Variants in UBASH3B observed in about 807,000 individuals in gnomAD.
UBASH3B encodes the protein ubiquitin-associated and SH3 domain-containing protein B.
A neutral mutation model predicts 83.4 loss-of-function variants in UBASH3B; 37 were observed. The observed-to-expected ratio is 0.44, with a 90% CI of 0.34 to 0.58. UBASH3B has a LOEUF of 0.58. Ranked by LOEUF, UBASH3B falls within the 20% of genes least tolerant of loss-of-function variation. UBASH3B has a pLI of 0.01. For synonymous variants in UBASH3B, 304 were observed against 318.3 expected (o/e 0.96, Z 0.48); for missense variants, 657 against 827.2 (o/e 0.79, Z 2.52).
In UBASH3B at chr11:122,759,715, A is replaced by T. The variant is rs1861339488; in HGVS notation, c.162-16504A>T. Among the ~76,000 whole-genome samples, 1 of 152,164 alleles carries T rather than the reference A, an allele frequency of 6.6e-6. No individual in the cohort carries two copies. Among genetic ancestry groups the T allele is most frequent in the Non-Finnish European group, 1.5e-5 (1 of 68,024 alleles). On this transcript the variant is annotated intron_variant, in intron 1 of 13. Coordinates refer to ENST00000284273, the MANE Select transcript of UBASH3B (RefSeq NM_032873.5). This position sits in a 1 kb window ranked among gnomAD's most constrained non-coding sequence, Gnocchi z 4.1. Reference sequence around the variant, plus strand: ...ACAGTAGGGTTTGTGCTCCTGTGAGAATCTAATGCTGCCACTGATCTGATA... The same window carrying T: ...ACAGTAGGGTTTGTGCTCCTGTGAGTATCTAATGCTGCCACTGATCTGATA...
At chr11:122,786,989 G>A (rs1397666551) in intron 5 of UBASH3B, among the ~76,000 whole-genome samples, 8 of 135,780 alleles carry the variant, frequency 5.9e-5, no homozygotes, top group South Asian at 2.5e-4. Flanking sequence ...ACCCACCCCC[G>A]CTCCCCCCCC....
In UBASH3B at chr11:122,723,161, A is replaced by G. The variant is rs560544511; in HGVS notation, c.162-53058A>G. Among the ~76,000 whole-genome samples the G allele has an allele frequency of 2.6e-5, 4 of 152,314 alleles. No individual in the cohort carries two copies. In the South Asian group the frequency reaches 8.3e-4, roughly 32 times the overall value. Reference sequence around the variant, plus strand: ...ATTTTAATTCAGTAGGCTTAAGAGGATCAGAAATCTGTAATTAAAAAAAAA... The same window carrying G: ...ATTTTAATTCAGTAGGCTTAAGAGGGTCAGAAATCTGTAATTAAAAAAAAA... On this transcript the variant is annotated intron_variant, in intron 1 of 13. Coordinates refer to ENST00000284273, the MANE Select transcript of UBASH3B (RefSeq NM_032873.5).
intron 10 of UBASH3B, among the ~76,000 whole-genome samples, chr11:122,800,984 G>A (rs564002214): frequency 6.6e-6 from 1 of 152,214 alleles, no homozygotes; most frequent in African/African-American, 2.4e-5. Context: ...ATACATCCTG[G>A]GGGTACGGCA....
chr11:122,806,532 C>G lies in UBASH3B; in HGVS notation c.1702+16C>G. 6.3e-7 allele frequency: 1 copy of G among 1,592,322 alleles called. No homozygotes were observed. ...AAAAGTAAAGGTAAGTGGTATTATT[C>G]TGAACTCCATCTGTACATACGTGAT... On this transcript the variant is annotated intron_variant, in intron 12 of 13. Coordinates refer to ENST00000284273, the MANE Select transcript of UBASH3B (RefSeq NM_032873.5). This position sits in a 1 kb window ranked among gnomAD's most constrained non-coding sequence, Gnocchi z 4.0.
At chr11:122,783,771 A>T (rs1410148229) in intron 5 of UBASH3B, among the ~76,000 whole-genome samples, 1 of 152,116 alleles carries the variant, frequency 6.6e-6, no homozygotes, top group East Asian at 1.9e-4. Context: ...TGAAAAGAAA[A>T]CTCAAGTCAC....
intron 11 of UBASH3B, among the ~76,000 whole-genome samples, chr11:122,802,580 A>G (rs1026623147): frequency 2.0e-5 from 3 of 152,184 alleles, no homozygotes; most frequent in African/African-American, 7.2e-5. Flanking sequence ...GGCTAAGGTA[A>G]TAGACAATAT....
At chr11:122,802,479 G>C (rs923301403) in intron 11 of UBASH3B, among the ~76,000 whole-genome samples, 1 of 152,060 alleles carries the variant, frequency 6.6e-6, no homozygotes, top group Non-Finnish European at 1.5e-5. Context: ...TGTAACAAGT[G>C]GTCAATATAA....
chr11:122,715,977 G>A (rs1205382220), intron 1 of UBASH3B, among the ~76,000 whole-genome samples: 1 of 152,246 alleles, frequency 6.6e-6, no homozygotes, highest in Non-Finnish European at 1.5e-5. Context: ...GGAGATTCAA[G>A]TGCTTCCTTT....
At chr11:122,716,735 C>T (rs1046529845) in intron 1 of UBASH3B, among the ~76,000 whole-genome samples, 6 of 152,172 alleles carry the variant, frequency 3.9e-5, no homozygotes, top group African/African-American at 1.4e-4. Flanking sequence ...CAATGTCACC[C>T]AGTTCTGTAA....
At chr11:122,785,686 C>A (rs1404117565) in intron 5 of UBASH3B, among the ~76,000 whole-genome samples, 1 of 152,214 alleles carries the variant, frequency 6.6e-6, no homozygotes, top group Non-Finnish European at 1.5e-5. Flanking sequence ...CAAATCCTGG[C>A]TCCATCACTT....
intron 1 of UBASH3B, among the ~76,000 whole-genome samples, chr11:122,708,041 C>T (rs985080433): frequency 6.6e-6 from 1 of 152,098 alleles, no homozygotes; most frequent in African/African-American, 2.4e-5. Context: ...TAGAGTTCTT[C>T]TTTGGCTATC....
chr11:122,738,058 A>C (rs1164485292), intron 1 of UBASH3B, among the ~76,000 whole-genome samples: 1 of 152,226 alleles, frequency 6.6e-6, no homozygotes, highest in Non-Finnish European at 1.5e-5. Flanking sequence ...TCAGGAAAGT[A>C]AAAGTAGAGA....
intron 1 of UBASH3B, among the ~76,000 whole-genome samples, chr11:122,750,161 T>C (rs1861177837): frequency 6.6e-6 from 1 of 152,224 alleles, no homozygotes; most frequent in Non-Finnish European, 1.5e-5. Context: ...ATTCAGTGTT[T>C]CTGAGTGCAA....
At chr11:122,783,847 GAAGA>G (rs914863272) in intron 5 of UBASH3B, among the ~76,000 whole-genome samples, 5 of 151,990 alleles carry the variant, frequency 3.3e-5, no homozygotes, top group African/African-American at 1.2e-4. Context: ...TCCATCACAA[GAAGA>G]AAGATTGGTA....
At chr11:122,721,180 GT>G (rs1860627882) in intron 1 of UBASH3B, among the ~76,000 whole-genome samples, 1 of 147,094 alleles carries the variant, frequency 6.8e-6, no homozygotes. Context: ...GGTGGTGGAG[GT>G]TTGCAGTGAG....
At chr11:122,691,790 C>T (rs1863900435) in intron 1 of UBASH3B, among the ~76,000 whole-genome samples, 1 of 152,096 alleles carries the variant, frequency 6.6e-6, no homozygotes, top group South Asian at 2.1e-4. Flanking sequence ...TTTGCTGAGT[C>T]CCCTGGCTTG....
chr11:122,797,492 C>T (rs1469001458), intron 9 of UBASH3B, among the ~76,000 whole-genome samples: 1 of 152,194 alleles, frequency 6.6e-6, no homozygotes, highest in Non-Finnish European at 1.5e-5. Flanking sequence ...TGTTCAGTCA[C>T]TTAGCAGATA....
intron 1 of UBASH3B, among the ~76,000 whole-genome samples, chr11:122,664,335 G>C (rs142137722): frequency 1.8e-4 from 27 of 152,288 alleles, no homozygotes; most frequent in African/African-American, 6.5e-4. Flanking sequence ...GCCTAAGAGA[G>C]AGAGTGGGGA....
intron 1 of UBASH3B, among the ~76,000 whole-genome samples, chr11:122,696,045 G>A (rs2135924090): frequency 6.6e-6 from 1 of 152,232 alleles, no homozygotes; most frequent in East Asian, 1.9e-4. Context: ...CGTCTCCCAG[G>A]TTTAAGCGAA....
Sources: allele counts gnomAD v4.1 joint callset (sites outside exome capture counted in the v4.1 genomes callset), GRCh38; gene constraint gnomAD v4.1.1; non-coding constraint Gnocchi (gnomAD v3.1); transcripts MANE v1.5; gene names NCBI Gene and HGNC (gene_info 2026-07-23, HGNC 2026-07-21).